SPAG16: variants seen among roughly 807,000 people sequenced by gnomAD.
SPAG16 encodes the protein sperm associated antigen 16, also known as sperm-associated antigen 16 protein.
Under a neutral mutation model 80.4 loss-of-function variants are expected in SPAG16, and 86 were observed. That is an observed-to-expected ratio of 1.07 (90% CI 0.90 to 1.28). The LOEUF (loss-of-function observed/expected upper bound fraction) is 1.28, where lower values mean the gene tolerates loss of function less well. Among genes scored for constraint, SPAG16 ranks in the 50% most tolerant of loss-of-function variants. The pLI, the probability that SPAG16 is intolerant of heterozygous loss-of-function variation, is 0.00. For synonymous variants in SPAG16, 294 were observed against 265.9 expected, an observed-to-expected ratio of 1.11 and a Z score of -1.03; for missense variants, 870 against 765.3, an observed-to-expected ratio of 1.14 and a Z score of -1.61.
chr2:213,508,765 TGTG>T (rs1209593801), intron 10 of SPAG16, among the ~76,000 whole-genome samples: 1 of 151,722 alleles, frequency 6.6e-6, no homozygotes, highest in East Asian at 1.9e-4. Context: ...CGGGGCCTGT[TGTG>T]GGGTTGGGGG....
At chr2:213,758,124 C>G (rs2068445261) in intron 10 of SPAG16, 1 of 150,812 alleles carries the variant, frequency 6.6e-6, no homozygotes, top group South Asian at 2.1e-4. Flanking sequence ...TCCTTTGGCA[C>G]AGGCTTAGAA....
intron 12 of SPAG16, among the ~76,000 whole-genome samples, chr2:213,980,833 C>T (rs1575720550): frequency 1.4e-5 from 2 of 147,658 alleles, no homozygotes; most frequent in South Asian, 2.2e-4. Flanking sequence ...TGCTTGAACC[C>T]GGGAGGCGGA....
intron 15 of SPAG16, among the ~76,000 whole-genome samples, chr2:214,292,149 A>G (rs1254332236): frequency 6.6e-6 from 1 of 152,076 alleles, no homozygotes; most frequent in Non-Finnish European, 1.5e-5. Context: ...ATAGGTGACA[A>G]TATGTTTTTC....
At chr2:213,832,955 T>C (rs1051611558) in intron 10 of SPAG16, among the ~76,000 whole-genome samples, 1 of 152,116 alleles carries the variant, frequency 6.6e-6, no homozygotes, top group African/African-American at 2.4e-5. Flanking sequence ...CTATCTACAA[T>C]GCAAATTTTA....
At chr2:214,241,700 C>T (rs1689502902) in intron 15 of SPAG16, among the ~76,000 whole-genome samples, 1 of 152,104 alleles carries the variant, frequency 6.6e-6, no homozygotes, top group East Asian at 1.9e-4. Context: ...AATTCATTAA[C>T]TAAAGTAATG....
intron 15 of SPAG16, among the ~76,000 whole-genome samples, chr2:214,164,773 T>C (rs1359779506): frequency 2.6e-5 from 4 of 152,186 alleles, no homozygotes; most frequent in African/African-American, 9.6e-5. Flanking sequence ...CTATTAATTA[T>C]GGATGATCAA....
chr2:214,395,145 T>C (rs953142336), intron 15 of SPAG16, among the ~76,000 whole-genome samples: 1 of 152,158 alleles, frequency 6.6e-6, no homozygotes, highest in Non-Finnish European at 1.5e-5. Flanking sequence ...CTTTTGGCAA[T>C]TATGAATGAA....
At chr2:213,891,169 G>C (rs2076773181) in intron 11 of SPAG16, among the ~76,000 whole-genome samples, 1 of 151,858 alleles carries the variant, frequency 6.6e-6, no homozygotes, top group Non-Finnish European at 1.5e-5. Flanking sequence ...TGTCATTAAT[G>C]GGTCGCTATT....
intron 11 of SPAG16, among the ~76,000 whole-genome samples, chr2:213,888,442 A>G (rs971332517): frequency 2.0e-5 from 3 of 151,828 alleles, no homozygotes; most frequent in African/African-American, 7.2e-5. Flanking sequence ...GAAATAACTC[A>G]ACTGAGGTTA....
chr2:213,816,881 T>C (rs1230453741), intron 10 of SPAG16, among the ~76,000 whole-genome samples: 1 of 152,020 alleles, frequency 6.6e-6, no homozygotes, highest in Non-Finnish European at 1.5e-5. Flanking sequence ...CCAATATTAC[T>C]GTAATAAATG....
At chr2:213,671,677 T>C (rs1477923069) in intron 10 of SPAG16, among the ~76,000 whole-genome samples, 2 of 152,200 alleles carry the variant, frequency 1.3e-5, no homozygotes, top group East Asian at 1.9e-4. Flanking sequence ...CAGACCTTGC[T>C]CTCTAAATTT....
chr2:213,596,719 G>A (rs2060895255), intron 10 of SPAG16, among the ~76,000 whole-genome samples: 1 of 152,080 alleles, frequency 6.6e-6, no homozygotes. Flanking sequence ...GAAAGTCAAA[G>A]ACAAAGATTG....
intron 10 of SPAG16, among the ~76,000 whole-genome samples, chr2:213,529,050 C>G (rs537272514): frequency 6.6e-6 from 1 of 152,264 alleles, no homozygotes; most frequent in South Asian, 2.1e-4. Flanking sequence ...GCTTCAGATA[C>G]TCAGGCTGAT....
intron 10 of SPAG16, among the ~76,000 whole-genome samples, chr2:213,525,477 T>TG (rs1439796737): frequency 6.6e-6 from 1 of 151,638 alleles, no homozygotes; most frequent in African/African-American, 2.4e-5. Flanking sequence ...TTAGTAGAGA[T>TG]GGGGTTTCAC....
At chr2:213,636,485 G>A (rs1221412975) in intron 10 of SPAG16, among the ~76,000 whole-genome samples, 3 of 152,110 alleles carry the variant, frequency 2.0e-5, no homozygotes, top group Non-Finnish European at 2.9e-5. Flanking sequence ...TTCTAGTTCT[G>A]TAAAGAATGA....
chr2:214,373,788 A>G (rs1699957917), intron 15 of SPAG16, among the ~76,000 whole-genome samples: 2 of 152,180 alleles, frequency 1.3e-5, no homozygotes, highest in Admixed American at 1.3e-4. Flanking sequence ...ATGAATGGAA[A>G]CAGAAGATTT....
At chr2:213,517,494 A>G (rs1302599565) in intron 10 of SPAG16, among the ~76,000 whole-genome samples, 2 of 152,220 alleles carry the variant, frequency 1.3e-5, no homozygotes, top group East Asian at 3.8e-4. Context: ...AAGAGCCTGA[A>G]TATTCAAAGC....
chr2:214,404,984 AAAG>A (rs1701916277), intron 15 of SPAG16, among the ~76,000 whole-genome samples: 1 of 152,188 alleles, frequency 6.6e-6, no homozygotes, highest in Non-Finnish European at 1.5e-5. Context: ...AGAGTTTCAC[AAAG>A]TAGTAGAATC....
intron 10 of SPAG16, among the ~76,000 whole-genome samples, chr2:213,612,135 C>T (rs79934592): frequency 0.06 from 9,059 of 152,086 alleles, 891 homozygotes; most frequent in African/African-American, 0.2. Flanking sequence ...AGAATGAGGG[C>T]TTGAAGTCAT....
Sources: allele counts gnomAD v4.1 joint callset (sites outside exome capture counted in the v4.1 genomes callset), GRCh38; gene constraint gnomAD v4.1.1; transcripts MANE v1.5; gene names NCBI Gene and HGNC (gene_info 2026-07-23, HGNC 2026-07-21).